Variants in RGS6 observed in about 807,000 individuals in gnomAD.
RGS6 encodes the protein regulator of G-protein signaling 6.
RGS6 carries 30 observed loss-of-function variants against 78.5 expected under a neutral mutation model. That is an observed-to-expected ratio of 0.38 (90% confidence interval 0.29 to 0.52). The LOEUF is 0.52. RGS6 is among the 20% of genes least tolerant of loss of function. The pLI is 0.85. For synonymous variants in RGS6, 206 were observed against 206.0 expected (o/e 1.00, Z 0.00); for missense variants, 495 against 609.7 (o/e 0.81, Z 1.98).
chr14:72,488,655 A>T (rs1183067031), intron 12 of RGS6, among the ~76,000 whole-genome samples: 1 of 152,208 alleles, frequency 6.6e-6, no homozygotes, highest in African/African-American at 2.4e-5. Context: ...CTTCATTGCC[A>T]TGCATATAGT....
chr14:72,181,646 T>C (rs2097174429), intron 2 of RGS6, among the ~76,000 whole-genome samples: 1 of 152,226 alleles, frequency 6.6e-6, no homozygotes, highest in South Asian at 2.1e-4. Flanking sequence ...TCTTCAACCA[T>C]ATTTGAAAGA....
the RGS6 span, among the ~76,000 whole-genome samples, chr14:72,627,331 G>A: frequency 6.6e-6 from 1 of 151,992 alleles, no homozygotes; most frequent in South Asian, 2.1e-4. Flanking sequence ...TTTTATGTAT[G>A]GTGTAAGATA....
chr14:72,390,342 C>T (rs575893174), intron 3 of RGS6, among the ~76,000 whole-genome samples: 1 of 152,052 alleles, frequency 6.6e-6, no homozygotes, highest in African/African-American at 2.4e-5. Context: ...AGGTGATCTG[C>T]CCACCTCGGC....
rs891821942 is a variant in RGS6, at chr14:72,549,844, A to G, written c.1422+9750A>G. Reference sequence around the variant, plus strand: ...ACCACCTCACTCCAGCCTGGGCGACAGAGCAAAACTCCATCCCCATCCCAC... The same window carrying G: ...ACCACCTCACTCCAGCCTGGGCGACGGAGCAAAACTCCATCCCCATCCCAC... On this transcript the variant is annotated intron_variant, in intron 17 of 17. Transcript: ENST00000553525. 6.6e-5 allele frequency among the ~76,000 whole-genome samples: 10 copies of G among 152,332 alleles called. 1 individual carries two copies. In the East Asian group the frequency reaches 1.2e-3, roughly 18 times the overall value.
chr14:72,584,072 A>C, the RGS6 span, among the ~76,000 whole-genome samples: 3 of 152,230 alleles, frequency 2.0e-5, no homozygotes, highest in South Asian at 6.2e-4. Context: ...ATAAATGGTC[A>C]TATTTCAGGC....
chr14:71,999,748 C>CCATGAGCTCTGGTTGTTTAAAAGTG (rs1555425212), intron 2 of RGS6, among the ~76,000 whole-genome samples: 1 of 152,092 alleles, frequency 6.6e-6, no homozygotes, highest in South Asian at 2.1e-4. Context: ...TGTGAATTGC[C>CCATGAGCTCTGGTTGTTTAAAAGTG]TAGCTCCCCC....
intron 2 of RGS6, among the ~76,000 whole-genome samples, chr14:72,328,620 G>A (rs1480436259): frequency 2.6e-5 from 4 of 152,074 alleles, no homozygotes; most frequent in Admixed American, 6.6e-5. Context: ...TGGTGGCCAC[G>A]TTGACTAACT....
chr14:72,211,765 G>C (rs570252297), intron 2 of RGS6, among the ~76,000 whole-genome samples: 1 of 152,172 alleles, frequency 6.6e-6, no homozygotes, highest in Non-Finnish European at 1.5e-5. Context: ...AGGAAACCAT[G>C]TCCAGCCCAG....
intron 2 of RGS6, among the ~76,000 whole-genome samples, chr14:72,120,071 T>G (rs1445710225): frequency 6.6e-6 from 1 of 152,206 alleles, no homozygotes; most frequent in Non-Finnish European, 1.5e-5. Context: ...GTGAAGTTCT[T>G]GCTGATAGAT....
At chr14:72,206,465 A>G (rs1293501934) in intron 2 of RGS6, among the ~76,000 whole-genome samples, 2 of 152,264 alleles carry the variant, frequency 1.3e-5, no homozygotes, top group African/African-American at 2.4e-5. Flanking sequence ...TGTATGCACA[A>G]TATTGTGTGT....
At chr14:72,353,562 A>G (rs2079558593) in intron 3 of RGS6, among the ~76,000 whole-genome samples, 1 of 152,222 alleles carries the variant, frequency 6.6e-6, no homozygotes, top group Admixed American at 6.5e-5. Flanking sequence ...AGCAACTGGC[A>G]TTTGCAGGGC....
At chr14:72,579,534 G>A in the RGS6 span, among the ~76,000 whole-genome samples, 1 of 152,172 alleles carries the variant, frequency 6.6e-6, no homozygotes, top group African/African-American at 2.4e-5. Flanking sequence ...GGAAGCCTGT[G>A]GACCTGTCAT....
intron 2 of RGS6, among the ~76,000 whole-genome samples, chr14:72,013,202 T>TG (rs2086174097): frequency 8.1e-6 from 1 of 123,692 alleles, no homozygotes; most frequent in South Asian, 2.7e-4. Flanking sequence ...ACCTGGGAGG[T>TG]GGGGGTTGCA....
intron 2 of RGS6, among the ~76,000 whole-genome samples, chr14:72,106,966 G>C (rs1383809071): frequency 6.6e-6 from 1 of 152,072 alleles, no homozygotes; most frequent in Non-Finnish European, 1.5e-5. Flanking sequence ...GGCGCAGGAA[G>C]TCTAGTTCTC....
At chr14:72,523,881 G>C (rs572309731) in intron 15 of RGS6, among the ~76,000 whole-genome samples, 1 of 152,024 alleles carries the variant, frequency 6.6e-6, no homozygotes, top group Non-Finnish European at 1.5e-5. Flanking sequence ...TTAATTCTCT[G>C]TTCCCAACCA....
At chr14:72,038,346 G>C (rs1409732617) in intron 2 of RGS6, among the ~76,000 whole-genome samples, 1 of 152,100 alleles carries the variant, frequency 6.6e-6, no homozygotes, top group African/African-American at 2.4e-5. Flanking sequence ...CTCCAACTCT[G>C]TTCTTTTTCA....
intron 2 of RGS6, among the ~76,000 whole-genome samples, chr14:72,130,458 G>A (rs1240242415): frequency 6.6e-6 from 1 of 152,118 alleles, no homozygotes; most frequent in Non-Finnish European, 1.5e-5. Flanking sequence ...CCATGTGGCT[G>A]GCACCTTCCT....
the RGS6 span, among the ~76,000 whole-genome samples, chr14:72,577,086 T>C: frequency 6.6e-6 from 1 of 152,228 alleles, no homozygotes; most frequent in African/African-American, 2.4e-5. Flanking sequence ...TTCATGCATA[T>C]CTGCACTGAA....
At chr14:72,606,236 G>A in the RGS6 span, among the ~76,000 whole-genome samples, 6 of 152,234 alleles carry the variant, frequency 3.9e-5, no homozygotes, top group African/African-American at 1.4e-4. Context: ...TCTGGGGGCT[G>A]GAAGACAGGC....
Sources: gnomAD v4.1 joint callset for allele counts (sites outside exome capture counted in the v4.1 genomes callset) on GRCh38, gnomAD v4.1.1 for gene constraint, MANE v1.5 for transcripts, NCBI Gene and HGNC (gene_info 2026-07-23, HGNC 2026-07-21) for gene names.